The following SNED1 variants were observed in gnomAD, a reference collection of about 807,000 sequenced individuals.
The protein encoded by SNED1 is sushi, nidogen and EGF like domains 1.
SNED1 carries 81 observed loss-of-function variants against 166.7 expected under a neutral mutation model. That is an observed-to-expected ratio of 0.49 (90% CI 0.41 to 0.58). The LOEUF (loss-of-function observed/expected upper bound fraction) is 0.58, where lower values mean the gene tolerates loss of function less well. Ranked by LOEUF, SNED1 falls within the 20% of genes least tolerant of loss-of-function variation. The probability of loss-of-function intolerance (pLI) is 0.00; values close to 1 mark genes in which losing one functional copy is unlikely to be tolerated. For synonymous variants in SNED1, 762 were observed against 822.0 expected, an observed-to-expected ratio of 0.93 and a Z score of 1.25; for missense variants, 1,604 against 2,000.2, an observed-to-expected ratio of 0.80 and a Z score of 3.78.
At chr2:241,032,491 G>C (rs2061212398) in intron 2 of SNED1, among the ~76,000 whole-genome samples, 1 of 150,408 alleles carries the variant, frequency 6.6e-6, no homozygotes, top group Non-Finnish European at 1.5e-5. Context: ...TCGTGGGGTG[G>C]GGGGGTCGGG....
At chr2:241,032,676 C>A (rs1411295785) in intron 2 of SNED1, among the ~76,000 whole-genome samples, 1 of 152,158 alleles carries the variant, frequency 6.6e-6, no homozygotes, top group African/African-American at 2.4e-5. Flanking sequence ...TTTCCTTGCA[C>A]CCCAGCTGTC....
At chr2:241,063,042 C>T (rs1245776472) in intron 17 of SNED1, 138 bp downstream of exon 17, 1 of 608,462 alleles carries the variant, frequency 1.6e-6, no homozygotes. Flanking sequence ...CCTGCCAGCT[C>T]TGACATCCAA....
chr2:241,071,334 T>G, intron 24 of SNED1: 1 of 588,496 alleles, frequency 1.7e-6, no homozygotes, highest in Non-Finnish European at 3.0e-6. Flanking sequence ...CCCAGGCCAG[T>G]GCACGCCTGT....
chr2:241,073,389 C>T lies in SNED1; in HGVS notation c.3916+25C>T. 1 of 1,535,356 alleles carries T rather than the reference C, an allele frequency of 6.5e-7. No individual in the cohort carries two copies. The highest frequency in any genetic ancestry group is 8.8e-7 in the Non-Finnish European group (1 of 1,131,670). On this transcript the variant is annotated intron_variant, in intron 27 of 31. Transcript: ENST00000310397. This position sits in a 1 kb window ranked among gnomAD's most constrained non-coding sequence, Gnocchi z 6.6. The stretch of plus-strand genomic sequence containing the variant: ...AGTGAGTCAGCAGCGCTGGTGGGGA[C>T]TTTGGGACTGACTGACTGCTCTCAG...
intron 7 of SNED1, 31 bp downstream of exon 7, chr2:241,040,219 G>T (rs1462048013): frequency 6.4e-7 from 1 of 1,572,114 alleles, no homozygotes; most frequent in Non-Finnish European, 8.6e-7. Context: ...TTGGAGAGGG[G>T]CTCCTGCCCG....
chr2:241,017,703 G>A (rs1191536494), intron 1 of SNED1, among the ~76,000 whole-genome samples: 4 of 152,170 alleles, frequency 2.6e-5, no homozygotes, highest in African/African-American at 4.8e-5. Flanking sequence ...CTCCTCCCAC[G>A]GCAAGTGGGT....
At chr2:241,036,768 C>T (rs1432017550) in intron 4 of SNED1, 22 bp from the exon 5 acceptor site, 2 of 1,604,654 alleles carry the variant, frequency 1.2e-6, no homozygotes, top group Non-Finnish European at 1.7e-6. Flanking sequence ...GCTGAGGCTC[C>T]AGCCCCTCCC....
chr2:241,082,135 C>T (rs990628328), intron 28 of SNED1, 142 bp from the exon 29 acceptor site: 2 of 657,174 alleles, frequency 3.0e-6, no homozygotes, highest in African/African-American at 3.6e-5. Context: ...AGCTGCAGAC[C>T]CCCGGGCCCT....
rs543133703 is a variant in SNED1 at position 241,049,141 on chromosome 2, T to C, written c.1618+6T>C. 1 of 1,606,798 alleles carries C rather than the reference T, an allele frequency of 6.2e-7. No individual in the cohort carries two copies. Among genetic ancestry groups the C allele is most frequent in the Non-Finnish European group, 8.5e-7 (1 of 1,175,860 alleles). On this transcript the variant is annotated splice_donor_region_variant and intron_variant, in intron 11 of 31. Coordinates refer to ENST00000310397, the MANE Select transcript of SNED1 (RefSeq NM_001080437.3). ...CGACCACAATGCCAGCCACTGTGAG[T>C]AGCTCGGGGACGAGCCTGCTGGGCC...
In SNED1 at chr2:241,030,418, G is replaced by A; in HGVS notation, c.348G>A (p.Val116=). The A allele has an allele frequency of 6.2e-7, 1 of 1,613,404 alleles. No individual in the cohort carries two copies. Among genetic ancestry groups the A allele is most frequent in the Non-Finnish European group, 8.5e-7 (1 of 1,179,770 alleles). Residue 116 remains valine, a synonymous_variant, in exon 2 of 32, where the codon GTG becomes GTA. Transcript: ENST00000310397. The part of the protein sequence containing the change: ...ADVDNRRAGD[V]YYREATDPAM... Reference sequence around the variant, plus strand: ...TGGACAACCGGCGTGCAGGCGACGTGTACTACCGGGAGGCCACCGACCCAG... The same window carrying A: ...TGGACAACCGGCGTGCAGGCGACGTATACTACCGGGAGGCCACCGACCCAG...
chr2:241,011,473 C>T (rs183689994), intron 1 of SNED1, among the ~76,000 whole-genome samples: 1 of 152,328 alleles, frequency 6.6e-6, no homozygotes, highest in East Asian at 1.9e-4. Flanking sequence ...TTCCCGCCCC[C>T]GAAGTCAGGA....
chr2:241,082,293 C>G lies in SNED1; in HGVS notation c.4050C>G (p.Ser1350=), dbSNP rs930432960. 1 of 1,612,994 alleles carries G rather than the reference C, an allele frequency of 6.2e-7. No homozygotes were observed. The highest frequency in any genetic ancestry group is 8.5e-7 in the Non-Finnish European group (1 of 1,179,208). The part of the protein sequence containing the change: ...RRCELACIKV[S]RPCTRLFSET... ...TTGTCGCAGCCTGTATAAAGGTGTC[C>G]CGCCCCTGCACAAGGCTGTTCTCCG... The change falls in exon 29 of 32, where the codon TCC becomes TCG. Residue 1350 remains serine (S), a synonymous_variant. Coordinates refer to ENST00000310397, the MANE Select transcript of SNED1 (RefSeq NM_001080437.3).
intron 12 of SNED1, among the ~76,000 whole-genome samples, chr2:241,050,841 A>T (rs2061816240): frequency 6.6e-6 from 1 of 151,884 alleles, no homozygotes; most frequent in Non-Finnish European, 1.5e-5. Flanking sequence ...TGGGGGTCCT[A>T]CCAGAGCCCA....
chr2:241,020,251 G>A (rs1385545411), intron 1 of SNED1, among the ~76,000 whole-genome samples: 1 of 152,232 alleles, frequency 6.6e-6, no homozygotes, highest in Non-Finnish European at 1.5e-5. Flanking sequence ...AAACTTCAAT[G>A]TTTCTGGTCC....
Position 240,998,716 on chromosome 2 carries a change from C to T in SNED1, c.-122C>T, listed in dbSNP as rs2059989063. On this transcript the variant is annotated 5_prime_UTR_variant, in exon 1 of 32. Coordinates refer to ENST00000310397, the MANE Select transcript of SNED1 (RefSeq NM_001080437.3). The stretch of plus-strand genomic sequence containing the variant: ...GCGGGACGCGGAGCCCCCGACGGCG[C>T]GGCCAGCGGGCGCGCCCGCGCTCCC... 1 of 230,880 alleles carries T rather than the reference C, an allele frequency of 4.3e-6. No homozygotes were observed. The highest frequency in any genetic ancestry group is 7.0e-6 in the Non-Finnish European group (1 of 142,612). The allele number at this position is 230,880 out of a possible 1,614,324, so 14.3% of individuals were successfully genotyped here. A position where few individuals can be genotyped will look rare whatever the true frequency, so the allele number is the denominator to read the frequency against.
At position 241,052,354 on chromosome 2, in the gene SNED1, G is replaced by A. The variant is rs750909916; in HGVS notation, c.1970-1G>A. On this transcript the variant is annotated splice_acceptor_variant, in intron 14 of 31. Transcript: ENST00000310397. LOFTEE classifies it high-confidence loss of function. Reference sequence around the variant, plus strand: ...GCCAGGACCTTCCTGCATTCTGGCAGCCCCCTCCCCCTGCTTCCGGAGCCC... The same window carrying A: ...GCCAGGACCTTCCTGCATTCTGGCAACCCCCTCCCCCTGCTTCCGGAGCCC... 1 of 1,570,642 alleles carries A rather than the reference G, an allele frequency of 6.4e-7. No homozygotes were observed. The highest frequency in any genetic ancestry group is 8.6e-7 in the Non-Finnish European group (1 of 1,156,872).
intron 3 of SNED1, among the ~76,000 whole-genome samples, chr2:241,034,320 C>A (rs10172533): frequency 0.068 from 10,385 of 152,258 alleles, 892 homozygotes; most frequent in African/African-American, 0.19. Context: ...TGGCCACCTG[C>A]TTTCTCTTGG....
At chr2:241,085,829 C>CT (rs1192373432) in intron 29 of SNED1, among the ~76,000 whole-genome samples, 1 of 145,884 alleles carries the variant, frequency 6.9e-6, no homozygotes, top group Admixed American at 6.8e-5. Context: ...TAATTTTGCC[C>CT]TAGTTCTATG....
Position 240,999,253 on chromosome 2 carries a change from G to A in SNED1, c.213+203G>A, listed in dbSNP as rs1217968880. The stretch of plus-strand genomic sequence containing the variant: ...AGAGGCGCGCGGGCGGGGCGGGGGC[G>A]GCAGCCGCCGGGCACCGAGGCGGGG... On this transcript the variant is annotated intron_variant, in intron 1 of 31. Transcript: ENST00000310397. This position sits in a 1 kb window ranked among gnomAD's most constrained non-coding sequence, Gnocchi z 5.8. Among the ~76,000 whole-genome samples the A allele has an allele frequency of 2.0e-5, 3 of 149,822 alleles. No homozygotes were observed. In the East Asian group the frequency reaches 5.9e-4, roughly 29 times the overall value.
Sources: gnomAD v4.1 joint callset for allele counts (sites outside exome capture counted in the v4.1 genomes callset) on GRCh38, gnomAD v4.1.1 for gene constraint, Gnocchi (gnomAD v3.1) non-coding constraint, MANE v1.5 for transcripts, NCBI Gene and HGNC (gene_info 2026-07-23, HGNC 2026-07-21) for gene names.